The following INTS14 variants were observed in gnomAD, a reference collection of about 807,000 sequenced individuals.
The protein encoded by INTS14 is UPF0464 protein C15orf44.
Under a neutral mutation model 56.9 loss-of-function variants are expected in INTS14, and 27 were observed. The ratio of observed to expected loss-of-function variants is 0.47; its 90% CI spans 0.35 to 0.65. INTS14 has a LOEUF of 0.65. INTS14 is among the 30% of genes least tolerant of loss of function. The pLI is 0.00. For synonymous variants in INTS14, 207 were observed against 236.2 expected (o/e 0.88, Z 1.13); for missense variants, 517 against 632.2 (o/e 0.82, Z 1.95).
At chr15:65,581,171 G>C (rs999857709) in intron 11 of INTS14, among the ~76,000 whole-genome samples, 7 of 152,162 alleles carry the variant, frequency 4.6e-5, no homozygotes, top group Non-Finnish European at 8.8e-5. Flanking sequence ...CCTGTGGTCA[G>C]GAGTTCAAGA....
At chr15:65,607,562 T>C in intron 1 of INTS14, 120 bp from the exon 2 acceptor site, 1 of 1,166,522 alleles carries the variant, frequency 8.6e-7, no homozygotes, top group Non-Finnish European at 1.2e-6. Context: ...AGGTGAGGAA[T>C]AATCTGTAGA....
intron 10 of INTS14, 22 bp from the exon 11 acceptor site, chr15:65,582,041 A>T (rs761686872): frequency 1.9e-6 from 3 of 1,555,082 alleles, no homozygotes; most frequent in Non-Finnish European, 2.6e-6. Flanking sequence ...AAAAAAAAAA[A>T]TCCAACATTA....
intron 3 of INTS14, among the ~76,000 whole-genome samples, chr15:65,602,570 C>A (rs530225141): frequency 1.3e-5 from 2 of 152,230 alleles, no homozygotes; most frequent in South Asian, 4.1e-4. Flanking sequence ...CAGGCGTGAG[C>A]CGTCGCGCCT....
Position 65,584,907 on chromosome 15 carries a change from C to T in INTS14, c.1121-19G>A. ...TTAGCATCTTAAAAGAAAAGACATT[C>T]TTGAAATGACATCTGGTAAAACACA... On this transcript the variant is annotated intron_variant, in intron 9 of 11. Coordinates refer to ENST00000313182, the MANE Select transcript of INTS14 (RefSeq NM_001394796.1). The T allele has an allele frequency of 6.3e-7, 1 of 1,592,008 alleles. No homozygotes were observed. The highest frequency in any genetic ancestry group is 8.6e-7 in the Non-Finnish European group (1 of 1,165,842).
At chr15:65,605,306 T>C (rs1297869885) in intron 2 of INTS14, 70 bp from the exon 3 acceptor site, 1 of 1,210,946 alleles carries the variant, frequency 8.3e-7, no homozygotes, top group Non-Finnish European at 1.2e-6. Flanking sequence ...ACAACATAAA[T>C]TGTTCAAAGT....
At chr15:65,587,557 A>G (rs2072871787) in intron 9 of INTS14, among the ~76,000 whole-genome samples, 1 of 152,206 alleles carries the variant, frequency 6.6e-6, no homozygotes. Flanking sequence ...ATTTAACCAA[A>G]AAGAACATTA....
chr15:65,610,871 G>C (rs2073902621), intron 1 of INTS14: 5 of 1,509,422 alleles, frequency 3.3e-6, no homozygotes, highest in Non-Finnish European at 4.4e-6. Context: ...GCTGAGCAGA[G>C]GGCGAAATCG....
chr15:65,579,324 C>T lies in INTS14; in HGVS notation c.*84G>A. 1.9e-6 allele frequency: 3 copies of T among 1,544,602 alleles called. No homozygotes were observed. The highest frequency in any genetic ancestry group is 2.6e-6 in the Non-Finnish European group (3 of 1,142,650). On this transcript the variant is annotated 3_prime_UTR_variant, in exon 12 of 12. Coordinates refer to ENST00000313182, the MANE Select transcript of INTS14 (RefSeq NM_001394796.1). Reference sequence around the variant, plus strand: ...TCAGGAAGGTCTTTGGGTGGCTATTCTAGAGGTGAACATACTGGAAAGGTT... The same window carrying T: ...TCAGGAAGGTCTTTGGGTGGCTATTTTAGAGGTGAACATACTGGAAAGGTT...
chr15:65,595,911 T>C lies in INTS14; in HGVS notation c.749-86A>G, dbSNP rs113937714. On this transcript the variant is annotated intron_variant, in intron 6 of 11. Coordinates refer to ENST00000313182, the MANE Select transcript of INTS14 (RefSeq NM_001394796.1). ...TGTATTACATTTCACAAATGCACTG[T>C]TTAGGTTGGGGTTTCAAATATGATG... 139 of 1,036,514 alleles carry C rather than the reference T, an allele frequency of 1.3e-4. No homozygotes were observed. In the African/African-American group the frequency reaches 2.1e-3, roughly 16 times the overall value. The allele number at this position is 1,036,514 out of a possible 1,614,324, so 64.2% of individuals were successfully genotyped here. A position where few individuals can be genotyped will look rare whatever the true frequency, so the allele number is the denominator to read the frequency against.
chr15:65,610,577 G>C, intron 1 of INTS14: 1 of 1,258,888 alleles, frequency 7.9e-7, no homozygotes, highest in Non-Finnish European at 1.1e-6. Flanking sequence ...CCATCAGCTA[G>C]ACGTTTGTAA....
intron 9 of INTS14, among the ~76,000 whole-genome samples, chr15:65,588,784 C>T (rs1462068981): frequency 2.6e-5 from 4 of 152,104 alleles, no homozygotes; most frequent in Non-Finnish European, 5.9e-5. Flanking sequence ...AACAATAGTG[C>T]TATTTTGCAT....
At chr15:65,586,531 T>C (rs1887454621) in intron 9 of INTS14, 1 of 152,196 alleles carries the variant, frequency 6.6e-6, no homozygotes, top group African/African-American at 2.4e-5. Flanking sequence ...CCCTAGCACT[T>C]AGTATCAGTA....
chr15:65,598,861 C>T lies in INTS14; in HGVS notation c.605+11G>A, dbSNP rs1566928128. The T allele has an allele frequency of 1.9e-6, 3 of 1,594,044 alleles. No homozygotes were observed. Among genetic ancestry groups the T allele is most frequent in the South Asian group, 1.1e-5 (1 of 89,950 alleles). On this transcript the variant is annotated intron_variant, in intron 5 of 11. Coordinates refer to ENST00000313182, the MANE Select transcript of INTS14 (RefSeq NM_001394796.1). ...GTAAAGAAGGCAAAAGAGCTCTAAG[C>T]ATATACTCACCCAAACATAGACTGT... is the stretch of plus-strand genomic sequence containing the variant.
In INTS14 at chr15:65,580,840, C is replaced by T. The variant is rs540643986; in HGVS notation, c.1305+1114G>A. Among the ~76,000 whole-genome samples, 7 of 152,350 alleles carry T rather than the reference C, an allele frequency of 4.6e-5. No individual in the cohort carries two copies. The South Asian group carries it at 1.5e-3, about 32-fold the overall frequency. On this transcript the variant is annotated intron_variant, in intron 11 of 11. Transcript: ENST00000313182. ...CTCTACCCCACCCCCTGTAACTTAA[C>T]AGTCTCTTCACCAATCGTTCTGGAT...
At chr15:65,591,519 C>T in intron 9 of INTS14, 79 bp downstream of exon 9, 1 of 1,549,108 alleles carries the variant, frequency 6.5e-7, no homozygotes, top group East Asian at 2.3e-5. Flanking sequence ...AATCAGTTCT[C>T]TGACTGCACA....
At chr15:65,607,729 G>A (rs1202313175) in intron 1 of INTS14, among the ~76,000 whole-genome samples, 3 of 151,414 alleles carry the variant, frequency 2.0e-5, no homozygotes, top group Non-Finnish European at 2.9e-5. Flanking sequence ...TCACACATTC[G>A]ACTTTTATGC....
chr15:65,595,969 C>T lies in INTS14; in HGVS notation c.749-144G>A, dbSNP rs186103739. The T allele has an allele frequency of 7.4e-4, 432 of 582,602 alleles. 1 individual carries two copies. Among genetic ancestry groups the T allele is most frequent in the Non-Finnish European group, 1.0e-3 (356 of 345,744 alleles). 36.1% of individuals were successfully genotyped at this position (582,602 alleles called of 1,614,324 possible). A position where few individuals can be genotyped will look rare whatever the true frequency, so the allele number is the denominator to read the frequency against. On this transcript the variant is annotated intron_variant, in intron 6 of 11. Transcript: ENST00000313182. ...AAGTTATTAGATTTGTATATGGAGTCGTCTAATAATTTGCATTTTAAGCTG... is the reference window on the plus strand; with the variant it reads ...AAGTTATTAGATTTGTATATGGAGTTGTCTAATAATTTGCATTTTAAGCTG...
chr15:65,611,087 T>TCC lies in INTS14; in HGVS notation c.-63+9_-63+10dup. The TCC allele has an allele frequency of 6.5e-7, 1 of 1,535,654 alleles. No homozygotes were observed. The highest frequency in any genetic ancestry group is 8.7e-7 in the Non-Finnish European group (1 of 1,146,600). ...GAAAGGCAGTCCCGGGCCCTCGGCC[T>TCC]CCCCACTCACCCCGTGCCCATCGCC... is the stretch of plus-strand genomic sequence containing the variant. On this transcript the variant is annotated intron_variant, in intron 1 of 11. Transcript: ENST00000313182.
rs1224013610 is a variant in INTS14, at chr15:65,599,757, T to G, written c.486+17A>C. On this transcript the variant is annotated intron_variant, in intron 4 of 11. Coordinates refer to ENST00000313182, the MANE Select transcript of INTS14 (RefSeq NM_001394796.1). ...AAATATGCCTAATCAAACTAAAAAC[T>G]TAGCAAAAGGTATTACCTCCTCCAA... is the stretch of plus-strand genomic sequence containing the variant. 10 of 1,610,590 alleles carry G rather than the reference T, an allele frequency of 6.2e-6. No individual in the cohort carries two copies. The Admixed American group carries it at 1.7e-4, about 27-fold the overall frequency.
Sources: allele counts gnomAD v4.1 joint callset (sites outside exome capture counted in the v4.1 genomes callset), GRCh38; gene constraint gnomAD v4.1.1; transcripts MANE v1.5; gene names NCBI Gene and HGNC (gene_info 2026-07-23, HGNC 2026-07-21).